RET: variants seen among roughly 807,000 people sequenced by gnomAD.
RET encodes the protein proto-oncogene tyrosine-protein kinase receptor Ret.
A neutral mutation model predicts 118.3 loss-of-function variants in RET; 19 were observed. The ratio of observed to expected loss-of-function variants is 0.16; its 90% CI spans 0.11 to 0.24. The LOEUF (loss-of-function observed/expected upper bound fraction) is 0.24, where lower values mean the gene tolerates loss of function less well. Among genes scored for constraint, RET ranks in the 10% least tolerant of loss-of-function variants. The probability of loss-of-function intolerance (pLI) is 1.00; values close to 1 mark genes in which losing one functional copy is unlikely to be tolerated. For missense variants in RET, 1,219 were observed against 1,502.1 expected (o/e 0.81, Z 3.12); for synonymous variants, 597 against 644.1 (o/e 0.93, Z 1.11).
intron 1 of RET, among the ~76,000 whole-genome samples, chr10:43,084,209 G>A (rs143333882): frequency 6.6e-6 from 1 of 152,166 alleles, no homozygotes; most frequent in African/African-American, 2.4e-5. Flanking sequence ...ACCTGAGTTC[G>A]TGCTTTCAGT....
At position 43,128,394 on chromosome 10, in the gene RET, T is replaced by A. The variant is rs1838381433; in HGVS notation, c.*125T>A. 5 of 1,136,452 alleles carry A rather than the reference T, an allele frequency of 4.4e-6. No homozygotes were observed. In the East Asian group the frequency reaches 1.2e-4, roughly 28 times the overall value. 70.4% of individuals were successfully genotyped at this position (1,136,452 alleles called of 1,614,324 possible). On this transcript the variant is annotated 3_prime_UTR_variant, in exon 20 of 20. Transcript: ENST00000355710. The stretch of plus-strand genomic sequence containing the variant: ...CGTGTTCAGTTCCCAGGTGGCAGAC[T>A]CGTTTTTGGTAGTTTGTTTTAACTT...
intron 2 of RET, 49 bp from the exon 3 acceptor site, chr10:43,102,293 G>T: frequency 6.2e-7 from 1 of 1,608,824 alleles, no homozygotes. Flanking sequence ...ATTCCCGACT[G>T]CCTGGCAGAT....
chr10:43,114,003 G>C lies in RET; in HGVS notation c.1879+328G>C, dbSNP rs1444691014. The stretch of plus-strand genomic sequence containing the variant: ...ATTTCAAGGTCAGCAGGTATGGTGG[G>C]TTGCACAGCCACACTGACTACACTC... On this transcript the variant is annotated intron_variant, in intron 10 of 19. Transcript: ENST00000355710. The surrounding 1 kb of genome is among the most constrained non-coding windows in gnomAD (Gnocchi z 4.6). Among the ~76,000 whole-genome samples the C allele has an allele frequency of 6.6e-6, 1 of 152,208 alleles. No individual in the cohort carries two copies. Among genetic ancestry groups the C allele is most frequent in the Non-Finnish European group, 1.5e-5 (1 of 68,036 alleles).
rs770741709 is a variant in RET at position 43,105,089 on chromosome 10, A to T, written c.763A>T (p.Met255Leu). Residue 255 changes from methionine to leucine, a missense_variant, in exon 4 of 20, where the codon ATG becomes TTG. Met to Leu is a conservative substitution (Grantham distance 15). Coordinates refer to ENST00000355710, the MANE Select transcript of RET (RefSeq NM_020975.6). The stretch of plus-strand genomic sequence containing the variant: ...CGCCGGCGCGCGCGAGGAGGTGGTG[A>T]TGGTGCCCTTCCCGGTGACCGTGTA... ...VHAGAREEVV[M>L]VPFPVTVYDE... is the part of the protein sequence containing the mutation. 1 of 1,611,824 alleles carries T rather than the reference A, an allele frequency of 6.2e-7. No individual in the cohort carries two copies. The highest frequency in any genetic ancestry group is 1.1e-5 in the South Asian group (1 of 91,052).
intron 1 of RET, among the ~76,000 whole-genome samples, chr10:43,083,735 G>C (rs1388912960): frequency 6.6e-6 from 1 of 152,250 alleles, no homozygotes; most frequent in Non-Finnish European, 1.5e-5. Context: ...CAGCAGCTGA[G>C]GGGGACAGAG....
intron 6 of RET, 60 bp downstream of exon 6, chr10:43,109,290 C>T: frequency 6.5e-7 from 1 of 1,539,210 alleles, no homozygotes. Context: ...CATGGGGGCA[C>T]AGGGAGGCAG....
intron 12 of RET, 63 bp from the exon 13 acceptor site, chr10:43,118,310 G>T (rs1462341912): frequency 2.3e-6 from 3 of 1,302,794 alleles, no homozygotes; most frequent in African/African-American, 1.5e-5. Context: ...TCCTGACCTG[G>T]TATGGTCATG....
chr10:43,120,249 G>A (rs917170492), intron 15 of RET, 46 bp downstream of exon 15: 2 of 1,608,530 alleles, frequency 1.2e-6, no homozygotes, highest in South Asian at 2.2e-5. Context: ...GATCCCAGGT[G>A]CACCATGGGG....
rs376588907 is a variant in RET, at chr10:43,126,556, G to C, written c.3040-19G>C. ...TTGTGGCACATGGCTTGGAGTGACC[G>C]GCCATCTCTGTCTTCCAGGACTACT... On this transcript the variant is annotated intron_variant, in intron 18 of 19. Coordinates refer to ENST00000355710, the MANE Select transcript of RET (RefSeq NM_020975.6). 2 of 1,608,500 alleles carry C rather than the reference G, an allele frequency of 1.2e-6. No individual in the cohort carries two copies. Among genetic ancestry groups the C allele is most frequent in the Admixed American group, 3.3e-5 (2 of 59,984 alleles).
chr10:43,126,649 A>G lies in RET; in HGVS notation c.3114A>G (p.Thr1038=). 6.2e-7 allele frequency: 1 copy of G among 1,614,048 alleles called. No homozygotes were observed. ...ACGACGGCCTCTCAGAGGAGGAGAC[A>G]CCGCTGGTGGACTGTAATAATGCCC... ...IYDDGLSEEE[T]PLVDCNNAPL... is the part of the protein sequence containing the mutation. The change falls in exon 19 of 20, where the codon ACA becomes ACG. Residue 1038 remains threonine (T), a synonymous_variant. Coordinates refer to ENST00000355710, the MANE Select transcript of RET (RefSeq NM_020975.6).
chr10:43,120,879 G>C (rs1247555566), intron 15 of RET, among the ~76,000 whole-genome samples: 1 of 152,060 alleles, frequency 6.6e-6, no homozygotes, highest in African/African-American at 2.4e-5. Flanking sequence ...CAAGTTCAAG[G>C]GGCTGCTCAA....
chr10:43,099,293 G>A (rs773481384), intron 1 of RET, among the ~76,000 whole-genome samples: 3 of 151,964 alleles, frequency 2.0e-5, no homozygotes, highest in Admixed American at 6.6e-5. Flanking sequence ...GCGGATCGCC[G>A]GAGGTTGAGA....
chr10:43,104,385 C>CG (rs1227821807), intron 3 of RET, among the ~76,000 whole-genome samples: 18 of 152,174 alleles, frequency 1.2e-4, no homozygotes, highest in African/African-American at 3.9e-4. Context: ...GGCATGGTGG[C>CG]GGGCGCCTGT....
intron 1 of RET, among the ~76,000 whole-genome samples, chr10:43,083,035 C>T (rs1254918795): frequency 5.9e-5 from 9 of 152,294 alleles, no homozygotes; most frequent in African/African-American, 9.6e-5. Context: ...GCCTGTAGGG[C>T]GTCTGCCAGC....
chr10:43,091,627 T>C (rs1393374948), intron 1 of RET, among the ~76,000 whole-genome samples: 1 of 111,924 alleles, frequency 8.9e-6, no homozygotes, highest in Non-Finnish European at 1.8e-5. Context: ...TGAGACTCCA[T>C]ACAAAAAAAA....
chr10:43,123,169 G>A (rs890513613), intron 16 of RET, among the ~76,000 whole-genome samples: 2 of 152,138 alleles, frequency 1.3e-5, no homozygotes, highest in African/African-American at 2.4e-5. Context: ...ATTGCAAAGC[G>A]AGTTTTCCTT....
chr10:43,125,847 A>T (rs187578755), intron 18 of RET, among the ~76,000 whole-genome samples: 57 of 152,310 alleles, frequency 3.7e-4, no homozygotes, highest in Non-Finnish European at 7.2e-4. Flanking sequence ...TCTCGCTTGG[A>T]TGAAAACTTC....
rs145122337 is a variant in RET at position 43,114,652 on chromosome 10, G to T, written c.2052G>T (p.Pro684=). Residue 684 remains proline, a synonymous_variant, in exon 11 of 20, where the codon CCG becomes CCT. Transcript: ENST00000355710. The surrounding 1 kb of genome is among the most constrained non-coding windows in gnomAD (Gnocchi z 4.6). ...MTFRRPAQAF[P]VSYSSSGARR... ...TCCGGAGGCCCGCCCAGGCCTTCCC[G>T]GTCAGCTACTCCTCTTCCGGTGCCC... The T allele has an allele frequency of 2.5e-6, 4 of 1,612,856 alleles. No individual in the cohort carries two copies. Among genetic ancestry groups the T allele is most frequent in the Non-Finnish European group, 2.5e-6 (3 of 1,179,986 alleles).
Position 43,120,139 on chromosome 10 carries a change from A to G in RET, c.2666A>G (p.Lys889Arg). The G allele has an allele frequency of 6.2e-7, 1 of 1,614,000 alleles. No homozygotes were observed. Among genetic ancestry groups the G allele is most frequent in the East Asian group, 2.2e-5 (1 of 44,884 alleles). Residue 889 changes from lysine to arginine, a missense_variant, in exon 15 of 20, where the codon AAG becomes AGG. Lys to Arg is a conservative substitution (Grantham distance 26). Transcript: ENST00000355710. ...CTGGTAGCTGAGGGGCGGAAGATGA[A>G]GATTTCGGATTTCGGCTTGTCCCGA... ...NILVAEGRKM[K>R]ISDFGLSRDV...
Sources: allele counts gnomAD v4.1 joint callset (sites outside exome capture counted in the v4.1 genomes callset), GRCh38; gene constraint gnomAD v4.1.1; non-coding constraint Gnocchi (gnomAD v3.1); transcripts MANE v1.5; gene names NCBI Gene and HGNC (gene_info 2026-07-23, HGNC 2026-07-21).